Variants in DNAH12 observed in about 807,000 individuals in gnomAD.
DNAH12 encodes dynein axonemal heavy chain 12, also known as axonemal beta dynein heavy chain 12.
Under a neutral mutation model 371.5 loss-of-function variants are expected in DNAH12, and 285 were observed. That is an observed-to-expected ratio of 0.77 (90% CI 0.70 to 0.85). The LOEUF (loss-of-function observed/expected upper bound fraction) is 0.85, where lower values mean the gene tolerates loss of function less well. DNAH12 is among the 40% of genes least tolerant of loss of function. The pLI is 0.00. For synonymous variants in DNAH12, 1,200 were observed against 1,213.0 expected (o/e 0.99, Z 0.22); for missense variants, 3,611 against 3,689.4 (o/e 0.98, Z 0.55).
At chr3:57,428,970 A>T in intron 33 of DNAH12, 149 bp from the exon 34 acceptor site, 1 of 727,442 alleles carries the variant, frequency 1.4e-6, no homozygotes, top group Non-Finnish European at 2.1e-6. Context: ...GACGTTCCCC[A>T]TACAGAAAAC....
rs71088070 is a variant in DNAH12 at position 57,427,138 on chromosome 3, A to ATGTG, written c.5253+1491_5253+1494dup. On this transcript the variant is annotated intron_variant, in intron 34 of 73. Coordinates refer to ENST00000495027, the MANE Select transcript of DNAH12 (RefSeq NM_001366028.2). ...ATATTTATTTATATGTAAGAAGCGA[A>ATGTG]TGTGTGTGTGTGTGTGTGTGTGTGT... 9.1e-3 allele frequency among the ~76,000 whole-genome samples: 1,261 copies of ATGTG among 138,848 alleles called. 6 individuals carry two copies. The highest frequency in any genetic ancestry group is 0.016 in the African/African-American group (583 of 36,024). The allele number at this position is 138,848 out of a possible 152,430, so 91.1% of individuals were successfully genotyped here.
In DNAH12 at chr3:57,293,860, G is replaced by A; in HGVS notation, c.11804C>T (p.Ala3935Val). 1 of 1,549,074 alleles carries A rather than the reference G, an allele frequency of 6.5e-7. No individual in the cohort carries two copies. Among genetic ancestry groups the A allele is most frequent in the Non-Finnish European group, 8.7e-7 (1 of 1,145,976 alleles). Reference protein sequence around the residue: ...TTGHSTNFVIAMLLKTDQPTR... With the variant: ...TTGHSTNFVIVMLLKTDQPTR... ...AGGTTGGTCTGTTTTTAACAACATT[G>A]CAATGACAAAGTTAGTAGAATGTCC... is the stretch of plus-strand genomic sequence containing the variant. Residue 3935 changes from alanine to valine, a missense_variant, in exon 74 of 74, where the codon GCA becomes GTA. Coordinates refer to ENST00000495027, the MANE Select transcript of DNAH12 (RefSeq NM_001366028.2).
chr3:57,390,427 ATATATATATAT>A, intron 45 of DNAH12, among the ~76,000 whole-genome samples: 1 of 50,344 alleles, frequency 2.0e-5, no homozygotes, highest in Non-Finnish European at 4.4e-5. Context: ...AAAAAAAAAT[ATATATATATAT>A]ATATATATAT....
chr3:57,450,366 T>A (rs1304984199), intron 25 of DNAH12, among the ~76,000 whole-genome samples: 1 of 149,676 alleles, frequency 6.7e-6, no homozygotes, highest in Non-Finnish European at 1.5e-5. Context: ...CTACATAACA[T>A]GGAGAAACCC....
intron 60 of DNAH12, among the ~76,000 whole-genome samples, chr3:57,342,022 G>A (rs1449836645): frequency 6.6e-6 from 1 of 152,112 alleles, no homozygotes; most frequent in African/African-American, 2.4e-5. Flanking sequence ...GGGAAGGACA[G>A]TCTCTTCAGT....
chr3:57,474,443 T>C (rs1488630805), intron 13 of DNAH12, among the ~76,000 whole-genome samples: 2 of 152,064 alleles, frequency 1.3e-5, no homozygotes, highest in Admixed American at 1.3e-4. Context: ...ATTACAGGCA[T>C]GTGCCACCAC....
At chr3:57,336,101 C>A (rs2062216029) in intron 60 of DNAH12, among the ~76,000 whole-genome samples, 1 of 152,162 alleles carries the variant, frequency 6.6e-6, no homozygotes, top group Non-Finnish European at 1.5e-5. Flanking sequence ...CCTGACTTAG[C>A]CTTCTGAGTA....
At chr3:57,543,174 C>T (rs1386782325) in intron 1 of DNAH12, among the ~76,000 whole-genome samples, 1 of 152,086 alleles carries the variant, frequency 6.6e-6, no homozygotes, top group Non-Finnish European at 1.5e-5. Flanking sequence ...ATTAGATGCT[C>T]TGTAAATATC....
intron 11 of DNAH12, chr3:57,498,269 A>C (rs1012607294): frequency 2.2e-4 from 105 of 487,452 alleles, no homozygotes; most frequent in Non-Finnish European, 3.5e-4. Flanking sequence ...AATCTCATAC[A>C]CTGCTGGTGA....
chr3:57,503,076 A>G (rs1477189214), intron 9 of DNAH12, among the ~76,000 whole-genome samples: 1 of 152,250 alleles, frequency 6.6e-6, no homozygotes, highest in Non-Finnish European at 1.5e-5. Flanking sequence ...TTAAAATTGT[A>G]TAGTTTGTAG....
intron 52 of DNAH12, 45 bp downstream of exon 52, chr3:57,379,113 T>C (rs2063337098): frequency 6.6e-6 from 1 of 152,236 alleles, no homozygotes; most frequent in Non-Finnish European, 1.5e-5. Flanking sequence ...TTCTAATTCC[T>C]GGGAATATCT....
rs979002536 is a variant in DNAH12 at position 57,454,791 on chromosome 3, A to G, written c.3440T>C (p.Ile1147Thr). 1 of 1,551,354 alleles carries G rather than the reference A, an allele frequency of 6.4e-7. No homozygotes were observed. The highest frequency in any genetic ancestry group is 8.7e-7 in the Non-Finnish European group (1 of 1,146,808). The change falls in exon 23 of 74, where the codon ATA (isoleucine) becomes ACA (threonine). Residue 1147 changes from isoleucine to threonine, a missense_variant. Transcript: ENST00000495027. ...ATGCTTTACCTCCGTCCCGCCACTTATCACTTCCTGTGTCTCAGATGTCCA... is the reference window on the plus strand; with the variant it reads ...ATGCTTTACCTCCGTCCCGCCACTTGTCACTTCCTGTGTCTCAGATGTCCA... ...MFWTSETQEVISGGTEGLKKY... is the reference protein window; with the variant it reads ...MFWTSETQEVTSGGTEGLKKY...
chr3:57,497,087 G>A (rs1055203444), intron 11 of DNAH12, among the ~76,000 whole-genome samples: 13 of 152,126 alleles, frequency 8.5e-5, no homozygotes, highest in Admixed American at 8.5e-4. Context: ...ATTGCTGAGC[G>A]AAATTAAAGA....
chr3:57,504,261 A>G, intron 8 of DNAH12, 57 bp from the exon 9 acceptor site: 1 of 1,441,322 alleles, frequency 6.9e-7, no homozygotes, highest in Non-Finnish European at 9.4e-7. Flanking sequence ...TTTAACTAAA[A>G]TCAGTAAACT....
intron 57 of DNAH12, among the ~76,000 whole-genome samples, chr3:57,365,212 T>G (rs1189708799): frequency 1.4e-4 from 22 of 152,334 alleles, no homozygotes; most frequent in African/African-American, 5.1e-4. Context: ...TCAACCTAAG[T>G]GTCCATCAAC....
At chr3:57,297,648 G>T (rs1219047930) in intron 70 of DNAH12, among the ~76,000 whole-genome samples, 1 of 151,962 alleles carries the variant, frequency 6.6e-6, no homozygotes, top group Non-Finnish European at 1.5e-5. Context: ...GAGCCACCGC[G>T]CCCGGCCCCC....
chr3:57,348,533 G>T (rs1298827602), intron 60 of DNAH12, among the ~76,000 whole-genome samples: 3 of 152,138 alleles, frequency 2.0e-5, no homozygotes, highest in Non-Finnish European at 4.4e-5. Flanking sequence ...CAAGCTCATA[G>T]ATGCTAACAA....
At chr3:57,303,731 T>C (rs781735551) in intron 69 of DNAH12, among the ~76,000 whole-genome samples, 11 of 152,158 alleles carry the variant, frequency 7.2e-5, no homozygotes, top group Non-Finnish European at 1.6e-4. Context: ...AAAATTCCAA[T>C]GAAATGACAG....
rs931724724 is a variant in DNAH12, at chr3:57,507,571, C to T, written c.897+72G>A. On this transcript the variant is annotated intron_variant, in intron 8 of 73. Coordinates refer to ENST00000495027, the MANE Select transcript of DNAH12 (RefSeq NM_001366028.2). ...AAATAATTACTTAGCACTATGTTTACGTAGAATTCTATTTAAAATATTGAA... is the reference window on the plus strand; with the variant it reads ...AAATAATTACTTAGCACTATGTTTATGTAGAATTCTATTTAAAATATTGAA... 49 of 1,085,520 alleles carry T rather than the reference C, an allele frequency of 4.5e-5. No homozygotes were observed. The Admixed American group carries it at 4.8e-4, about 11-fold the overall frequency. 67.2% of individuals were successfully genotyped at this position (1,085,520 alleles called of 1,614,324 possible).
Sources: allele counts gnomAD v4.1 joint callset (sites outside exome capture counted in the v4.1 genomes callset), GRCh38; gene constraint gnomAD v4.1.1; transcripts MANE v1.5; gene names NCBI Gene and HGNC (gene_info 2026-07-23, HGNC 2026-07-21).